ROCK1: variants seen among roughly 807,000 people sequenced by gnomAD.
ROCK1 encodes rho-associated protein kinase 1.
Under a neutral mutation model 196.8 loss-of-function variants are expected in ROCK1, and 36 were observed. The ratio of observed to expected loss-of-function variants is 0.18; its 90% CI spans 0.14 to 0.24. The LOEUF (loss-of-function observed/expected upper bound fraction) is 0.24. Ranked by LOEUF, ROCK1 falls within the 10% of genes least tolerant of loss-of-function variation. The probability of loss-of-function intolerance (pLI) is 1.00; values close to 1 mark genes in which losing one functional copy is unlikely to be tolerated. For synonymous variants in ROCK1, 443 were observed against 515.9 expected, an observed-to-expected ratio of 0.86 and a Z score of 1.91; for missense variants, 920 against 1,562.0, an observed-to-expected ratio of 0.59 and a Z score of 6.93.
chr18:21,071,592 C>T (rs899796187), intron 1 of ROCK1, among the ~76,000 whole-genome samples: 1 of 152,162 alleles, frequency 6.6e-6, no homozygotes, highest in African/African-American at 2.4e-5. Flanking sequence ...TATCCTGCTG[C>T]ATGGCAGGAA....
chr18:21,044,643 G>A (rs755823933), intron 5 of ROCK1, among the ~76,000 whole-genome samples: 1 of 152,046 alleles, frequency 6.6e-6, no homozygotes, highest in African/African-American at 2.4e-5. Flanking sequence ...GAATAAATAC[G>A]ACCTATTCAC....
chr18:20,980,963 G>A (rs2035526994), intron 21 of ROCK1, among the ~76,000 whole-genome samples: 1 of 149,234 alleles, frequency 6.7e-6, no homozygotes, highest in African/African-American at 2.5e-5. Context: ...GTGTATTATA[G>A]ATTTGGGAAG....
At chr18:21,019,309 G>A (rs1194568879) in intron 12 of ROCK1, among the ~76,000 whole-genome samples, 9 of 151,938 alleles carry the variant, frequency 5.9e-5, no homozygotes, top group African/African-American at 1.5e-4. Context: ...GCACACCTTC[G>A]TGCCCAGCTA....
In ROCK1 at chr18:21,045,473, C is replaced by T. The variant is rs2036147611; in HGVS notation, c.415-6G>A. Reference sequence around the variant, plus strand: ...TCTTGGAATGCATAAAAAAGCTATACAAATAGAAAAAACAAACAAAACACA... The same window carrying T: ...TCTTGGAATGCATAAAAAAGCTATATAAATAGAAAAAACAAACAAAACACA... On this transcript the variant is annotated splice_region_variant and splice_polypyrimidine_tract_variant and intron_variant, in intron 4 of 32. Transcript: ENST00000399799. 1 of 1,564,116 alleles carries T rather than the reference C, an allele frequency of 6.4e-7. No homozygotes were observed.
chr18:21,025,902 G>A (rs2035951626), intron 10 of ROCK1, among the ~76,000 whole-genome samples: 1 of 152,080 alleles, frequency 6.6e-6, no homozygotes. Flanking sequence ...TTAAAAATTA[G>A]TTTGGGCCAT....
chr18:21,107,227 A>G (rs1340476219), intron 1 of ROCK1, among the ~76,000 whole-genome samples: 1 of 152,232 alleles, frequency 6.6e-6, no homozygotes, highest in Non-Finnish European at 1.5e-5. Flanking sequence ...GATTTTGAGC[A>G]CTTCAAATTT....
intron 1 of ROCK1, among the ~76,000 whole-genome samples, chr18:21,072,040 C>G (rs2036390057): frequency 6.6e-6 from 1 of 152,180 alleles, no homozygotes; most frequent in African/African-American, 2.4e-5. Flanking sequence ...ACACAGAAAA[C>G]AGACATTTTA....
chr18:20,967,752 C>T lies in ROCK1; in HGVS notation c.3192G>A (p.Ala1064=), dbSNP rs1411948543. The change falls in exon 26 of 33, where the codon GCG becomes GCA. Residue 1064 remains alanine, a splice_region_variant and synonymous_variant. Coordinates refer to ENST00000399799, the MANE Select transcript of ROCK1 (RefSeq NM_005406.3). ...ATCCATACACACACAGAAACCTTACCGCTTGCATGTCATTCAGTTCCTTCT... is the reference window on the plus strand; with the variant it reads ...ATCCATACACACACAGAAACCTTACTGCTTGCATGTCATTCAGTTCCTTCT... ...KHQKELNDMQ[A]QLVEECAHRN... 6.9e-6 allele frequency: 11 copies of T among 1,586,072 alleles called. No individual in the cohort carries two copies. The highest frequency in any genetic ancestry group is 1.8e-5 in the Admixed American group (1 of 54,206).
chr18:20,973,918 C>T (rs1598513882), intron 22 of ROCK1, among the ~76,000 whole-genome samples: 1 of 151,286 alleles, frequency 6.6e-6, no homozygotes, highest in Non-Finnish European at 1.5e-5. Flanking sequence ...GTAGCTGGGA[C>T]TACAGGCGCC....
intron 14 of ROCK1, among the ~76,000 whole-genome samples, chr18:21,007,107 T>C (rs1568381786): frequency 6.6e-6 from 1 of 152,184 alleles, no homozygotes; most frequent in Non-Finnish European, 1.5e-5. Context: ...AAGAGTTCAA[T>C]TGCTTGATAA....
chr18:21,096,442 C>A, intron 1 of ROCK1, among the ~76,000 whole-genome samples: 1 of 152,070 alleles, frequency 6.6e-6, no homozygotes, highest in East Asian at 1.9e-4. Flanking sequence ...CTCAGGTGAT[C>A]TGCCTGCCTC....
chr18:21,111,008 G>A lies in ROCK1; in HGVS notation c.-98C>T. ...GGTGGGTTCGCAGCCGCGGGGCGGA[G>A]GAGCCGGAACCTCAGGGTCACCAGG... On this transcript the variant is annotated 5_prime_UTR_variant, in exon 1 of 33. Transcript: ENST00000399799. This position sits in a 1 kb window ranked among gnomAD's most constrained non-coding sequence, Gnocchi z 4.2. 3.0e-6 allele frequency: 3 copies of A among 997,646 alleles called. No individual in the cohort carries two copies. Among genetic ancestry groups the A allele is most frequent in the Non-Finnish European group, 4.7e-6 (3 of 642,812 alleles). 61.8% of individuals were successfully genotyped at this position (997,646 alleles called of 1,614,324 possible). A position where few individuals can be genotyped will look rare whatever the true frequency, so the allele number is the denominator to read the frequency against.
intron 2 of ROCK1, among the ~76,000 whole-genome samples, chr18:21,053,137 G>A (rs1293682037): frequency 6.6e-6 from 1 of 152,086 alleles, no homozygotes; most frequent in African/African-American, 2.4e-5. Flanking sequence ...AGCTATTCTT[G>A]CCCAAAGGCT....
chr18:20,961,338 C>T (rs1037586992), intron 27 of ROCK1, among the ~76,000 whole-genome samples: 1 of 152,134 alleles, frequency 6.6e-6, no homozygotes, highest in African/African-American at 2.4e-5. Flanking sequence ...TAACAGTTAA[C>T]AATAGGTAAC....
chr18:20,987,089 T>C lies in ROCK1; in HGVS notation c.2165A>G (p.Glu722Gly). The change falls in exon 19 of 33, where the codon GAA (glutamate) becomes GGA (glycine). Residue 722 changes from glutamate to glycine, a missense_variant. By Grantham distance (98) the Glu-to-Gly change is moderately conservative. This residue lies in a region of ROCK1 where 520 missense variants were observed against 657.1 expected (regional missense o/e 0.79). Coordinates refer to ENST00000399799, the MANE Select transcript of ROCK1 (RefSeq NM_005406.3). ...AMCEMEKKLK[E>G]EREAREKAEN... is the part of the protein sequence containing the mutation. Reference sequence around the variant, plus strand: ...AGCCTTCTCTCGAGCTTCTCTTTCTTCTTTCAGCTTTTTTTCCATCTCTGG... The same window carrying C: ...AGCCTTCTCTCGAGCTTCTCTTTCTCCTTTCAGCTTTTTTTCCATCTCTGG... The C allele has an allele frequency of 6.2e-7, 1 of 1,611,746 alleles. No homozygotes were observed. The highest frequency in any genetic ancestry group is 8.5e-7 in the Non-Finnish European group (1 of 1,179,568).
intron 12 of ROCK1, among the ~76,000 whole-genome samples, chr18:21,019,491 T>C (rs185675114): frequency 4.3e-4 from 66 of 152,142 alleles, no homozygotes; most frequent in African/African-American, 1.4e-3. Context: ...GCATTACAGT[T>C]TTTTAAGAAT....
In ROCK1 at chr18:20,951,141, A is replaced by G. The variant is rs1865147117; in HGVS notation, c.*243T>C. 3 of 383,840 alleles carry G rather than the reference A, an allele frequency of 7.8e-6. No homozygotes were observed. Among genetic ancestry groups the G allele is most frequent in the African/African-American group, 6.2e-5 (3 of 48,004 alleles). The allele number at this position is 383,840 out of a possible 1,614,324, so 23.8% of individuals were successfully genotyped here. A position where few individuals can be genotyped will look rare whatever the true frequency, so the allele number is the denominator to read the frequency against. ...CTTTTAAAAAAAATATATCTACCTA[A>G]GCTTTCCCCCAACTGTACTTGCATT... is the stretch of plus-strand genomic sequence containing the variant. On this transcript the variant is annotated 3_prime_UTR_variant, in exon 33 of 33. Coordinates refer to ENST00000399799, the MANE Select transcript of ROCK1 (RefSeq NM_005406.3).
rs1282895932 is a variant in ROCK1 at position 21,042,489 on chromosome 18, T to C, written c.820+76A>G. The C allele has an allele frequency of 1.1e-5, 16 of 1,391,794 alleles. No homozygotes were observed. The East Asian group carries it at 3.8e-4, about 33-fold the overall frequency. The allele number at this position is 1,391,794 out of a possible 1,614,324, so 86.2% of individuals were successfully genotyped here. On this transcript the variant is annotated intron_variant, in intron 7 of 32. Coordinates refer to ENST00000399799, the MANE Select transcript of ROCK1 (RefSeq NM_005406.3). The stretch of plus-strand genomic sequence containing the variant: ...AATCAAGATTGCTTAATATAATAAA[T>C]ATATTAGAAAGAGCCAAGTGGCAAG...
rs1368285482 is a variant in ROCK1 at position 20,950,270 on chromosome 18, T to C, written c.*1114A>G. On this transcript the variant is annotated 3_prime_UTR_variant, in exon 33 of 33. Coordinates refer to ENST00000399799, the MANE Select transcript of ROCK1 (RefSeq NM_005406.3). The stretch of plus-strand genomic sequence containing the variant: ...TTTTGCAGTTTTATAAAGTCATTAT[T>C]GTAGCAGGTAGTTTGATGCAAAGAT... 3 of 152,322 alleles carry C rather than the reference T, an allele frequency of 2.0e-5. No individual in the cohort carries two copies. The highest frequency in any genetic ancestry group is 6.5e-5 in the Admixed American group (1 of 15,290). The allele number at this position is 152,322 out of a possible 1,614,324, so 9.4% of individuals were successfully genotyped here. A position where few individuals can be genotyped will look rare whatever the true frequency, so the allele number is the denominator to read the frequency against.
Sources: allele counts gnomAD v4.1 joint callset (sites outside exome capture counted in the v4.1 genomes callset), GRCh38; gene constraint gnomAD v4.1.1; regional missense constraint gnomAD v4.1.1; non-coding constraint Gnocchi (gnomAD v3.1); transcripts MANE v1.5; gene names NCBI Gene and HGNC (gene_info 2026-07-23, HGNC 2026-07-21).